SAMD5: variants seen among roughly 807,000 people sequenced by gnomAD.
SAMD5 encodes the protein sterile alpha motif domain-containing protein 5.
In SAMD5, 13 loss-of-function variants were observed where a neutral mutation model predicts 11.3. The observed-to-expected ratio is 1.15, with a 90% CI of 0.75 to 1.83. The LOEUF (loss-of-function observed/expected upper bound fraction) is 1.83, where lower values mean the gene tolerates loss of function less well. Among genes scored for constraint, SAMD5 ranks in the 40% most tolerant of loss-of-function variants. The pLI is 0.00. For synonymous variants in SAMD5, 129 were observed against 111.3 expected, an observed-to-expected ratio of 1.16 and a Z score of -1.00; for missense variants, 255 against 239.1, an observed-to-expected ratio of 1.07 and a Z score of -0.44.
intron 1 of SAMD5, among the ~76,000 whole-genome samples, chr6:147,648,864 C>T (rs1341771335): frequency 6.6e-6 from 1 of 152,216 alleles, no homozygotes; most frequent in Non-Finnish European, 1.5e-5. Flanking sequence ...TGATGCTTCA[C>T]TATATACATT....
the SAMD5 span, among the ~76,000 whole-genome samples, chr6:147,906,651 A>G: frequency 6.6e-6 from 1 of 152,202 alleles, no homozygotes; most frequent in Non-Finnish European, 1.5e-5. Context: ...CATTTTTGGT[A>G]GAATATCAGG....
At chr6:147,797,158 G>T in the SAMD5 span, among the ~76,000 whole-genome samples, 1 of 122,518 alleles carries the variant, frequency 8.2e-6, no homozygotes, top group Non-Finnish European at 1.6e-5. Flanking sequence ...TTTTCAAAGG[G>T]AATGCTTCCA....
intron 1 of SAMD5, among the ~76,000 whole-genome samples, chr6:147,644,422 A>T (rs746284580): frequency 1.3e-5 from 2 of 152,168 alleles, no homozygotes; most frequent in African/African-American, 4.8e-5. Flanking sequence ...AATAAATTAG[A>T]TTTATTATTC....
chr6:147,599,976 T>A (rs967025950), intron 1 of SAMD5, among the ~76,000 whole-genome samples: 4 of 151,220 alleles, frequency 2.6e-5, no homozygotes, highest in African/African-American at 9.8e-5. Context: ...GACCAGGAGG[T>A]GTGTATGGGA....
chr6:147,698,133 C>G (rs1033704190), intron 1 of SAMD5, among the ~76,000 whole-genome samples: 24 of 152,158 alleles, frequency 1.6e-4, no homozygotes, highest in Middle Eastern at 3.2e-3. Context: ...GGAGGCGGAG[C>G]TCAGGCTGTA....
chr6:147,640,497 CAAAAAAAAAAA>C lies in SAMD5; in HGVS notation c.163-96805_163-96795del, dbSNP rs1172694444. ...GGGTGACAAGAGCAAGACTCTGTCG[CAAAAAAAAAAA>C]AAAAAAAAAAAAAAGAATAACAGAC... On this transcript the variant is annotated intron_variant, in intron 1 of 1. Transcript: ENST00000566741. Among the ~76,000 whole-genome samples, 161 of 24,198 alleles carry C rather than the reference CAAAAAAAAAAA, an allele frequency of 6.7e-3. 2 individuals carry two copies. The highest frequency in any genetic ancestry group is 0.026 in the South Asian group (6 of 228). 15.9% of individuals were successfully genotyped at this position (24,198 alleles called of 152,430 possible).
At chr6:147,535,440 AG>A (rs1788494043) in intron 1 of SAMD5, among the ~76,000 whole-genome samples, 1 of 152,242 alleles carries the variant, frequency 6.6e-6, no homozygotes, top group Admixed American at 6.5e-5. Flanking sequence ...CACATAATTT[AG>A]AATTTAGTTT....
intron 1 of SAMD5, among the ~76,000 whole-genome samples, chr6:147,641,059 C>T (rs565244362): frequency 5.3e-5 from 8 of 152,240 alleles, no homozygotes; most frequent in Middle Eastern, 3.4e-3. Flanking sequence ...ATCCAGTAGA[C>T]GTTAACAATG....
the SAMD5 span, among the ~76,000 whole-genome samples, chr6:147,914,408 G>T: frequency 1.3e-4 from 20 of 152,078 alleles, no homozygotes; most frequent in African/African-American, 4.6e-4. Context: ...TTTGACCAGA[G>T]CTGGGACAAT....
At chr6:147,870,172 C>T in the SAMD5 span, among the ~76,000 whole-genome samples, 2 of 152,068 alleles carry the variant, frequency 1.3e-5, no homozygotes, top group Non-Finnish European at 1.5e-5. Flanking sequence ...CCATACCGGA[C>T]AGTGCAGCTC....
chr6:147,516,064 C>T (rs147894410), intron 1 of SAMD5, among the ~76,000 whole-genome samples: 8 of 152,148 alleles, frequency 5.3e-5, no homozygotes, highest in South Asian at 2.1e-4. Flanking sequence ...TTCTCAGGCT[C>T]ATGCAAGTCC....
intron 1 of SAMD5, among the ~76,000 whole-genome samples, chr6:147,611,940 C>G (rs1481931321): frequency 6.6e-6 from 1 of 152,194 alleles, no homozygotes; most frequent in Non-Finnish European, 1.5e-5. Context: ...TTCCCAACAC[C>G]TGAGCACAAC....
the SAMD5 span, among the ~76,000 whole-genome samples, chr6:147,828,027 C>T: frequency 4.6e-5 from 7 of 151,868 alleles, no homozygotes; most frequent in Non-Finnish European, 7.4e-5. Flanking sequence ...ACCTCGTGAT[C>T]TGCCCGCCTC....
chr6:147,853,517 T>G, the SAMD5 span, among the ~76,000 whole-genome samples: 19 of 152,256 alleles, frequency 1.2e-4, no homozygotes, highest in African/African-American at 4.3e-4. Context: ...AATAGTATAT[T>G]TTCAAAGGTG....
At chr6:147,929,436 T>C in the SAMD5 span, among the ~76,000 whole-genome samples, 1 of 152,180 alleles carries the variant, frequency 6.6e-6, no homozygotes, top group African/African-American at 2.4e-5. Flanking sequence ...ACACCCCGTT[T>C]TAATATAAAT....
At chr6:147,766,389 C>T in the SAMD5 span, among the ~76,000 whole-genome samples, 3 of 152,124 alleles carry the variant, frequency 2.0e-5, no homozygotes, top group African/African-American at 7.2e-5. Flanking sequence ...TAACCCAACA[C>T]ATCACAACAT....
the SAMD5 span, among the ~76,000 whole-genome samples, chr6:147,833,081 G>A: frequency 1.3e-5 from 2 of 152,134 alleles, no homozygotes; most frequent in Non-Finnish European, 2.9e-5. Context: ...CAGTGCCTGG[G>A]AACCACTGGT....
chr6:147,855,682 T>TA, the SAMD5 span, among the ~76,000 whole-genome samples: 1 of 151,930 alleles, frequency 6.6e-6, no homozygotes, highest in East Asian at 1.9e-4. Flanking sequence ...ACCAAAAAAA[T>TA]AAAAAAATAA....
At chr6:147,656,836 C>G (rs554649869) in intron 1 of SAMD5, among the ~76,000 whole-genome samples, 35 of 151,882 alleles carry the variant, frequency 2.3e-4, no homozygotes, top group Non-Finnish European at 4.1e-4. Flanking sequence ...CATTTGGTTT[C>G]TATCCTAGCA....
Sources: allele counts gnomAD v4.1 joint callset (sites outside exome capture counted in the v4.1 genomes callset), GRCh38; gene constraint gnomAD v4.1.1; transcripts MANE v1.5; gene names NCBI Gene and HGNC (gene_info 2026-07-23, HGNC 2026-07-21).